The following SNTG1 variants were observed in gnomAD, a reference collection of about 807,000 sequenced individuals.
SNTG1 encodes syntrophin gamma 1.
SNTG1 carries 39 observed loss-of-function variants against 74.7 expected under a neutral mutation model. The ratio of observed to expected loss-of-function variants is 0.52; its 90% CI spans 0.40 to 0.68. The LOEUF (loss-of-function observed/expected upper bound fraction) is 0.68. Among genes scored for constraint, SNTG1 ranks in the 30% least tolerant of loss-of-function variants. The pLI is 0.00. For synonymous variants in SNTG1, 254 were observed against 217.1 expected, an observed-to-expected ratio of 1.17 and a Z score of -1.49; for missense variants, 685 against 609.5, an observed-to-expected ratio of 1.12 and a Z score of -1.30.
intron 15 of SNTG1, among the ~76,000 whole-genome samples, chr8:50,678,117 G>A (rs144167924): frequency 2.0e-5 from 3 of 151,372 alleles, no homozygotes; most frequent in African/African-American, 7.3e-5. Context: ...TAGAAAAAAA[G>A]AAAGAAAAGA....
intron 2 of SNTG1, among the ~76,000 whole-genome samples, chr8:50,177,843 C>A (rs760834498): frequency 2.6e-5 from 4 of 152,128 alleles, no homozygotes; most frequent in Non-Finnish European, 5.9e-5. Flanking sequence ...TTTCACCACC[C>A]AAAAATATCC....
chr8:50,607,326 G>GCTAT (rs2094819960), intron 13 of SNTG1, among the ~76,000 whole-genome samples: 9 of 151,506 alleles, frequency 5.9e-5, no homozygotes, highest in Admixed American at 5.9e-4. Flanking sequence ...TCCCAGTTAA[G>GCTAT]CTATCTAGTC....
chr8:50,671,899 A>G (rs935726850), intron 15 of SNTG1, among the ~76,000 whole-genome samples: 1 of 151,832 alleles, frequency 6.6e-6, no homozygotes, highest in African/African-American at 2.4e-5. Context: ...TTGTAGGGAC[A>G]TGGATGAAAT....
chr8:50,005,046 T>C (rs1815086403), intron 1 of SNTG1, among the ~76,000 whole-genome samples: 1 of 152,134 alleles, frequency 6.6e-6, no homozygotes, highest in African/African-American at 2.4e-5. Flanking sequence ...ATAAATATAA[T>C]AAAATACCAG....
intron 13 of SNTG1, among the ~76,000 whole-genome samples, chr8:50,619,228 A>C (rs1210923988): frequency 1.3e-5 from 2 of 152,028 alleles, no homozygotes; most frequent in Non-Finnish European, 2.9e-5. Context: ...TCACTCTAGG[A>C]ATAGATTTTA....
At chr8:50,728,254 A>T (rs1452505714) in intron 17 of SNTG1, among the ~76,000 whole-genome samples, 9 of 152,140 alleles carry the variant, frequency 5.9e-5, no homozygotes, top group African/African-American at 1.9e-4. Flanking sequence ...ATATACGAAG[A>T]GGCCATTGAA....
intron 1 of SNTG1, among the ~76,000 whole-genome samples, chr8:49,981,779 T>G (rs1476746425): frequency 1.3e-5 from 2 of 152,222 alleles, no homozygotes; most frequent in Non-Finnish European, 2.9e-5. Context: ...TAAAATATTT[T>G]GCTTTCAATT....
chr8:50,625,835 T>G (rs927244626), intron 13 of SNTG1, among the ~76,000 whole-genome samples: 7 of 152,158 alleles, frequency 4.6e-5, no homozygotes, highest in African/African-American at 1.7e-4. Context: ...ATGACAAGAG[T>G]TTTCTGATAT....
chr8:49,962,472 G>T (rs528280355), intron 1 of SNTG1, among the ~76,000 whole-genome samples: 2 of 151,946 alleles, frequency 1.3e-5, no homozygotes, highest in Non-Finnish European at 2.9e-5. Context: ...TCATCATGAG[G>T]AAAGAGCTCT....
intron 18 of SNTG1, among the ~76,000 whole-genome samples, chr8:50,763,745 T>C (rs1255597193): frequency 6.8e-6 from 1 of 147,528 alleles, no homozygotes; most frequent in East Asian, 2.0e-4. Context: ...TTGGAAAAAT[T>C]AATGTTGTTA....
At chr8:50,397,406 G>A (rs146673121) in intron 3 of SNTG1, among the ~76,000 whole-genome samples, 1 of 152,290 alleles carries the variant, frequency 6.6e-6, no homozygotes, top group East Asian at 1.9e-4. Flanking sequence ...AGGTGGGGCT[G>A]TTTTAGGTTT....
At chr8:50,043,877 G>A (rs1172453948) in intron 1 of SNTG1, among the ~76,000 whole-genome samples, 5 of 152,154 alleles carry the variant, frequency 3.3e-5, no homozygotes, top group East Asian at 1.9e-4. Flanking sequence ...AATGCATTAC[G>A]CATGTCATAG....
intron 1 of SNTG1, among the ~76,000 whole-genome samples, chr8:50,150,753 G>C (rs1432674434): frequency 3.3e-5 from 5 of 152,162 alleles, no homozygotes; most frequent in Non-Finnish European, 7.3e-5. Flanking sequence ...GCATCCCAGG[G>C]ATGAAGCCCA....
Position 50,434,128 on chromosome 8 carries a change from G to A in SNTG1, c.163-4415G>A, listed in dbSNP as rs186264611. 2.4e-4 allele frequency among the ~76,000 whole-genome samples: 36 copies of A among 149,704 alleles called. No homozygotes were observed. In the East Asian group the frequency reaches 3.8e-3, roughly 16 times the overall value. On this transcript the variant is annotated intron_variant, in intron 4 of 18. Transcript: ENST00000642720. ...TTGTTCAATTCCCACCTATGAGTGAGAACATGCGGTGTTTGGTTCTTTGTC... is the reference window on the plus strand; with the variant it reads ...TTGTTCAATTCCCACCTATGAGTGAAAACATGCGGTGTTTGGTTCTTTGTC...
At chr8:50,096,058 A>G (rs576166430) in intron 1 of SNTG1, among the ~76,000 whole-genome samples, 1 of 152,272 alleles carries the variant, frequency 6.6e-6, no homozygotes, top group Non-Finnish European at 1.5e-5. Flanking sequence ...TAAAACCTGG[A>G]AATTGCACTG....
At chr8:50,028,274 A>G (rs1817439285) in intron 1 of SNTG1, among the ~76,000 whole-genome samples, 1 of 152,106 alleles carries the variant, frequency 6.6e-6, no homozygotes, top group African/African-American at 2.4e-5. Flanking sequence ...GGTAAAAACT[A>G]TTGTGCATAT....
chr8:50,529,632 T>C (rs1462597886), intron 9 of SNTG1, among the ~76,000 whole-genome samples: 2 of 151,988 alleles, frequency 1.3e-5, no homozygotes, highest in African/African-American at 4.8e-5. Flanking sequence ...TAGATATTAG[T>C]AGGCATCTCA....
chr8:50,282,223 G>A (rs12678703), intron 2 of SNTG1, among the ~76,000 whole-genome samples: 89,995 of 151,910 alleles, frequency 0.59, 29,323 homozygotes, highest in East Asian at 0.85. Flanking sequence ...CAACCCCACA[G>A]TAAACTTCTC....
intron 1 of SNTG1, among the ~76,000 whole-genome samples, chr8:50,026,259 T>C (rs1310256012): frequency 6.6e-6 from 1 of 152,180 alleles, no homozygotes; most frequent in Admixed American, 6.5e-5. Flanking sequence ...AAAAATGTCT[T>C]TAGAAATGTG....
Sources: allele counts gnomAD v4.1 joint callset (sites outside exome capture counted in the v4.1 genomes callset), GRCh38; gene constraint gnomAD v4.1.1; transcripts MANE v1.5; gene names NCBI Gene and HGNC (gene_info 2026-07-23, HGNC 2026-07-21).